KAT6B: variants seen among roughly 807,000 people sequenced by gnomAD.
KAT6B encodes the protein lysine acetyltransferase 6B, also known as histone acetyltransferase KAT6B.
In KAT6B, 10 loss-of-function variants were observed where a neutral mutation model predicts 187.5. The observed-to-expected ratio is 0.05, with a 90% CI of 0.03 to 0.09. The LOEUF (loss-of-function observed/expected upper bound fraction) is 0.09, where lower values mean the gene tolerates loss of function less well. Ranked by LOEUF, KAT6B falls within the 10% of genes least tolerant of loss-of-function variation. KAT6B has a pLI of 1.00. For synonymous variants in KAT6B, 861 were observed against 926.8 expected (o/e 0.93, Z 1.29); for missense variants, 1,952 against 2,558.9 (o/e 0.76, Z 5.12).
intron 3 of KAT6B, among the ~76,000 whole-genome samples, chr10:74,898,732 C>T (rs527572882): frequency 6.6e-6 from 1 of 152,234 alleles, no homozygotes; most frequent in South Asian, 2.1e-4. Context: ...TATTACTGTG[C>T]TATAGCAGAA....
At chr10:74,857,664 A>AT (rs1842906249) in intron 3 of KAT6B, among the ~76,000 whole-genome samples, 1 of 152,260 alleles carries the variant, frequency 6.6e-6, no homozygotes, top group Non-Finnish European at 1.5e-5. Flanking sequence ...CAAATTTTGC[A>AT]TTGGGGGTTG....
At chr10:74,858,870 G>A (rs1049037320) in intron 3 of KAT6B, among the ~76,000 whole-genome samples, 2 of 151,576 alleles carry the variant, frequency 1.3e-5, no homozygotes, top group Non-Finnish European at 2.9e-5. Flanking sequence ...CAGGAGAATC[G>A]CTTGAACCTT....
chr10:74,887,569 C>T (rs1484000734), intron 3 of KAT6B, among the ~76,000 whole-genome samples: 2 of 152,008 alleles, frequency 1.3e-5, no homozygotes, highest in African/African-American at 2.4e-5. Flanking sequence ...AGGTGATCCA[C>T]CTGCCTCAGC....
chr10:74,924,365 A>G (rs1848343507), intron 3 of KAT6B, among the ~76,000 whole-genome samples: 1 of 152,176 alleles, frequency 6.6e-6, no homozygotes. Flanking sequence ...ATTCCTTCAT[A>G]AGCAGTTGGC....
chr10:75,029,798 T>G lies in KAT6B; in HGVS notation c.4974T>G (p.His1658Gln). 6.2e-7 allele frequency: 1 copy of G among 1,614,180 alleles called. No individual in the cohort carries two copies. The highest frequency in any genetic ancestry group is 1.1e-5 in the South Asian group (1 of 91,080). The stretch of plus-strand genomic sequence containing the variant: ...TGGATGTCCCATCAGTTTCAGATCA[T>G]TCACAGCAAGTCGTAGACAGTGGAT... ...PMMDVPSVSDHSQQVVDSGFS... is the reference protein window; with the variant it reads ...PMMDVPSVSDQSQQVVDSGFS... Residue 1658 changes from histidine to glutamine, a missense_variant, in exon 18 of 18, where the codon CAT becomes CAG. His to Gln is a conservative substitution (Grantham distance 24). Around this residue, in one of 9 missense-constraint regions of KAT6B, gnomAD observed 87 missense variants for 167.5 expected, o/e 0.52. Transcript: ENST00000287239. The surrounding 1 kb of genome is among the most constrained non-coding windows in gnomAD (Gnocchi z 6.2).
chr10:74,953,354 G>T (rs1840449871), intron 3 of KAT6B, among the ~76,000 whole-genome samples: 1 of 152,076 alleles, frequency 6.6e-6, no homozygotes, highest in African/African-American at 2.4e-5. Flanking sequence ...ATAAAATTTT[G>T]CAATACTCAT....
At chr10:74,940,531 C>A (rs1415423648) in intron 3 of KAT6B, among the ~76,000 whole-genome samples, 1 of 151,592 alleles carries the variant, frequency 6.6e-6, no homozygotes, top group African/African-American at 2.4e-5. Context: ...GCCTCAGCCT[C>A]CCAGAGTGTT....
chr10:74,857,863 T>A (rs906161286), intron 3 of KAT6B, among the ~76,000 whole-genome samples: 4 of 152,008 alleles, frequency 2.6e-5, no homozygotes, highest in African/African-American at 7.2e-5. Context: ...CTAGAAAAAA[T>A]TTTTAAAAAT....
At chr10:74,911,277 T>C (rs1320129861) in intron 3 of KAT6B, among the ~76,000 whole-genome samples, 4 of 151,572 alleles carry the variant, frequency 2.6e-5, no homozygotes, top group East Asian at 1.9e-4. Context: ...TTTTTCTTTT[T>C]TTTTTTTTTT....
At chr10:74,862,150 C>A (rs185316912) in intron 3 of KAT6B, among the ~76,000 whole-genome samples, 1 of 152,272 alleles carries the variant, frequency 6.6e-6, no homozygotes, top group Admixed American at 6.5e-5. Flanking sequence ...CAAAAATCAT[C>A]AAATTCACCC....
intron 1 of KAT6B, among the ~76,000 whole-genome samples, chr10:74,835,426 A>G (rs1157079807): frequency 6.6e-6 from 1 of 152,078 alleles, no homozygotes; most frequent in South Asian, 2.1e-4. Context: ...AGACAAATAT[A>G]TGTAAAACAG....
chr10:75,022,802 C>T (rs913696257), intron 16 of KAT6B, among the ~76,000 whole-genome samples: 4 of 152,100 alleles, frequency 2.6e-5, no homozygotes, highest in South Asian at 2.1e-4. Flanking sequence ...CACGGTAGTA[C>T]GCGCCTGTAA....
chr10:74,829,020 A>G (rs183922907), intron 1 of KAT6B, among the ~76,000 whole-genome samples: 4 of 151,556 alleles, frequency 2.6e-5, no homozygotes, highest in African/African-American at 7.2e-5. Context: ...AAAAAAAAAA[A>G]AAAGAAAAGA....
At chr10:74,830,343 C>A (rs1840656842) in intron 1 of KAT6B, among the ~76,000 whole-genome samples, 1 of 152,142 alleles carries the variant, frequency 6.6e-6, no homozygotes, top group Non-Finnish European at 1.5e-5. Context: ...CTGCTATGAG[C>A]ATTCCTATAC....
chr10:75,001,507 C>T (rs935713438), intron 13 of KAT6B, among the ~76,000 whole-genome samples: 2 of 152,138 alleles, frequency 1.3e-5, no homozygotes, highest in Non-Finnish European at 2.9e-5. Flanking sequence ...GCTGCTTCTT[C>T]CCAGAATCTT....
intron 3 of KAT6B, among the ~76,000 whole-genome samples, chr10:74,932,483 C>CAGT (rs144303314): frequency 0.025 from 3,776 of 152,238 alleles, 105 homozygotes; most frequent in Middle Eastern, 0.068. Context: ...CCTGGTGGAT[C>CAGT]AGTAACCTTT....
chr10:74,938,502 A>C (rs1849424618), intron 3 of KAT6B, among the ~76,000 whole-genome samples: 1 of 152,164 alleles, frequency 6.6e-6, no homozygotes, highest in South Asian at 2.1e-4. Context: ...GGGAGAGAGG[A>C]AGAAAAACCA....
chr10:74,833,654 CA>C (rs1213687325), intron 1 of KAT6B, among the ~76,000 whole-genome samples: 1 of 152,130 alleles, frequency 6.6e-6, no homozygotes, highest in Non-Finnish European at 1.5e-5. Flanking sequence ...AGCACATTTA[CA>C]CAATTATAGT....
At chr10:74,938,039 G>A (rs961177960) in intron 3 of KAT6B, among the ~76,000 whole-genome samples, 1 of 152,126 alleles carries the variant, frequency 6.6e-6, no homozygotes, top group Admixed American at 6.5e-5. Flanking sequence ...TCAAACTCCT[G>A]GGCTCAAGCC....
Sources: allele counts gnomAD v4.1 joint callset (sites outside exome capture counted in the v4.1 genomes callset), GRCh38; gene constraint gnomAD v4.1.1; regional missense constraint gnomAD v4.1.1; non-coding constraint Gnocchi (gnomAD v3.1); transcripts MANE v1.5; gene names NCBI Gene and HGNC (gene_info 2026-07-23, HGNC 2026-07-21).